Variants in MUC5AC observed in about 807,000 individuals in gnomAD.
The protein encoded by MUC5AC is mucin-5AC.
Under a neutral mutation model 169.7 loss-of-function variants are expected in MUC5AC, and 158 were observed. That is an observed-to-expected ratio of 0.93 (90% CI 0.82 to 1.06). MUC5AC has a LOEUF of 1.06. Ranked by LOEUF, MUC5AC falls within the 50% of genes least tolerant of loss-of-function variation. MUC5AC has a pLI of 0.00. For missense variants in MUC5AC, 4,359 were observed against 3,089.9 expected (o/e 1.41, Z -9.74); for synonymous variants, 1,975 against 1,237.0 (o/e 1.60, Z -12.52).
rs181876535 is a variant in MUC5AC at position 1,197,309 on chromosome 11, C to T, written c.15862-159C>T. 3.6e-3 allele frequency among the ~76,000 whole-genome samples: 546 copies of T among 152,324 alleles called. 2 individuals are homozygous for T. The highest frequency in any genetic ancestry group is 0.013 in the African/African-American group (522 of 41,568). Reference sequence around the variant, plus strand: ...GCAGAGCTTTGTGCCCATCCCTGGGCCCTACCCTGCACTTTTGAAGCCCTA... The same window carrying T: ...GCAGAGCTTTGTGCCCATCCCTGGGTCCTACCCTGCACTTTTGAAGCCCTA... On this transcript the variant is annotated intron_variant, in intron 40 of 48. Coordinates refer to ENST00000621226, the MANE Select transcript of MUC5AC (RefSeq NM_001304359.2).
At chr11:1,173,842 A>C (rs1860613305) in intron 16 of MUC5AC, among the ~76,000 whole-genome samples, 1 of 130,124 alleles carries the variant, frequency 7.7e-6, no homozygotes, top group Non-Finnish European at 1.7e-5. Flanking sequence ...TTACTGACTC[A>C]CTAATTCCTT....
intron 26 of MUC5AC, among the ~76,000 whole-genome samples, chr11:1,179,450 A>G: frequency 6.6e-6 from 1 of 150,990 alleles, no homozygotes; most frequent in South Asian, 2.1e-4. Context: ...GGGTCAGCAG[A>G]GCTGCCCAGC....
In MUC5AC at chr11:1,199,084, C is replaced by T. The variant is rs773023431; in HGVS notation, c.16297-3C>T. 1 of 764,270 alleles carries T rather than the reference C, an allele frequency of 1.3e-6. No individual in the cohort carries two copies. Among genetic ancestry groups the T allele is most frequent in the Non-Finnish European group, 2.4e-6 (1 of 417,564 alleles). 47.3% of individuals were successfully genotyped at this position (764,270 alleles called of 1,614,324 possible). A position where few individuals can be genotyped will look rare whatever the true frequency, so the allele number is the denominator to read the frequency against. ...TCCAGCCACATGTCCATCCCTCCCG[C>T]AGGGCTTCGAGTACCAGGAGCAGAG... On this transcript the variant is annotated splice_polypyrimidine_tract_variant and splice_region_variant and intron_variant, in intron 44 of 48. Transcript: ENST00000621226.
chr11:1,159,463 G>T lies in MUC5AC; in HGVS notation c.74-1149G>T, dbSNP rs549424972. 1.2e-4 allele frequency among the ~76,000 whole-genome samples: 17 copies of T among 145,746 alleles called. 2 individuals are homozygous for T. In the South Asian group the frequency reaches 3.8e-3, roughly 32 times the overall value. On this transcript the variant is annotated intron_variant, in intron 1 of 48. Coordinates refer to ENST00000621226, the MANE Select transcript of MUC5AC (RefSeq NM_001304359.2). The stretch of plus-strand genomic sequence containing the variant: ...GGGGGTCTGGTCCCCCCATGCTGGG[G>T]TGCTGTGCGGGGCTGTACGAGGCTG...
At position 1,164,512 on chromosome 11, in the gene MUC5AC, C is replaced by A; in HGVS notation, c.1109C>A (p.Ala370Asp). The A allele has an allele frequency of 6.2e-7, 1 of 1,611,196 alleles. No homozygotes were observed. The highest frequency in any genetic ancestry group is 8.5e-7 in the Non-Finnish European group (1 of 1,179,300). Residue 370 changes from alanine (A) to aspartate (D), a missense_variant, in exon 9 of 49, where the codon GCC becomes GAC. By Grantham distance (126) the Ala-to-Asp change is moderately radical. Coordinates refer to ENST00000621226, the MANE Select transcript of MUC5AC (RefSeq NM_001304359.2). Reference protein sequence around the residue: ...HSRACEDHCVAGCFCPEGTVL... With the variant: ...HSRACEDHCVDGCFCPEGTVL... ...CGGGCCTGTGAGGACCACTGTGTGG[C>A]CGGCTGCTTCTGCCCTGAGGGTGAG... is the stretch of plus-strand genomic sequence containing the variant.
At chr11:1,182,043 G>A (rs1337302410) in intron 30 of MUC5AC, 112 bp from the exon 31 acceptor site, 10 of 398,294 alleles carry the variant, frequency 2.5e-5, no homozygotes, top group Non-Finnish European at 4.4e-5. Flanking sequence ...GGTGGGGACA[G>A]GAAGACAGAC....
chr11:1,192,424 T>C lies in MUC5AC; in HGVS notation c.14279T>C (p.Val4760Ala). 1 of 765,136 alleles carries C rather than the reference T, an allele frequency of 1.3e-6. No homozygotes were observed. Among genetic ancestry groups the C allele is most frequent in the Non-Finnish European group, 2.4e-6 (1 of 417,898 alleles). The allele number at this position is 765,136 out of a possible 1,614,324, so 47.4% of individuals were successfully genotyped here. Reference protein sequence around the residue: ...SLSTSMVSASVASTSVASSSV... With the variant: ...SLSTSMVSASAASTSVASSSV... ...TCTACTTCCATGGTATCCGCCTCCG[T>C]GGCATCCACCTCTGTGGCATCCAGC... The change falls in exon 31 of 49, where the codon GTG becomes GCG. Residue 4760 changes from valine (V) to alanine (A), a missense_variant. Transcript: ENST00000621226.
rs1243146037 is a variant in MUC5AC, at chr11:1,165,371, G to C, written c.1199G>C (p.Gly400Ala). 2 of 1,612,468 alleles carry C rather than the reference G, an allele frequency of 1.2e-6. No individual in the cohort carries two copies. The highest frequency in any genetic ancestry group is 1.7e-6 in the Non-Finnish European group (2 of 1,179,726). Reference sequence around the variant, plus strand: ...TCAAAGTGTGCCTGCGTCTACAACGGGGCTGCCTATGCCCCAGGGGCCACC... The same window carrying C: ...TCAAAGTGTGCCTGCGTCTACAACGCGGCTGCCTATGCCCCAGGGGCCACC... ...PVSKCACVYN[G>A]AAYAPGATYS... is the part of the protein sequence containing the mutation. Residue 400 changes from glycine (G) to alanine (A), a missense_variant, in exon 10 of 49, where the codon GGG becomes GCG. Gly to Ala is a moderately conservative substitution (Grantham distance 60, BLOSUM62 0). Transcript: ENST00000621226.
intron 19 of MUC5AC, 91 bp from the exon 20 acceptor site, chr11:1,176,060 C>T (rs949363376): frequency 5.3e-5 from 21 of 398,384 alleles, no homozygotes; most frequent in Middle Eastern, 6.3e-4. Flanking sequence ...TCAATGTGCA[C>T]GCACATGGCA....
At position 1,186,359 on chromosome 11, in the gene MUC5AC, C is replaced by T. The variant is rs1395149993; in HGVS notation, c.8214C>T (p.Thr2738=). ...CCAGCACAACCTCTGCCACTACAACCAGCACGACCTCTGCTCCTACACCCA... is the reference window on the plus strand; with the variant it reads ...CCAGCACAACCTCTGCCACTACAACTAGCACGACCTCTGCTCCTACACCCA... ...PTTSTTSATT[T]STTSAPTPRR... The change falls in exon 31 of 49, where the codon ACC becomes ACT. Residue 2738 remains threonine, a synonymous_variant. Coordinates refer to ENST00000621226, the MANE Select transcript of MUC5AC (RefSeq NM_001304359.2). 1 of 716,238 alleles carries T rather than the reference C, an allele frequency of 1.4e-6. No homozygotes were observed. Among genetic ancestry groups the T allele is most frequent in the Non-Finnish European group, 2.5e-6 (1 of 392,990 alleles). 44.4% of individuals were successfully genotyped at this position (716,238 alleles called of 1,614,324 possible). A position where few individuals can be genotyped will look rare whatever the true frequency, so the allele number is the denominator to read the frequency against.
chr11:1,200,320 C>T (rs1861391614), intron 48 of MUC5AC, 118 bp from the exon 49 acceptor site: 1 of 602,464 alleles, frequency 1.7e-6, no homozygotes, highest in Non-Finnish European at 3.0e-6. Flanking sequence ...CAGACACTGG[C>T]AGCATGCCTC....
In MUC5AC at chr11:1,162,628, C is replaced by A; in HGVS notation, c.570C>A (p.Asn190Lys). 4.3e-6 allele frequency: 7 copies of A among 1,612,720 alleles called. No homozygotes were observed. The highest frequency in any genetic ancestry group is 5.9e-6 in the Non-Finnish European group (7 of 1,179,826). Residue 190 changes from asparagine (N) to lysine (K), a missense_variant, in exon 5 of 49, where the codon AAC becomes AAA. Asn to Lys is a moderately conservative substitution (Grantham distance 94). Coordinates refer to ENST00000621226, the MANE Select transcript of MUC5AC (RefSeq NM_001304359.2). ...GGCTGGGCCTTGTCCTCATGTGGAA[C>A]CACGATGACAGCCTGCTGGTGAGGC... Reference protein sequence around the residue: ...EARLGLVLMWNHDDSLLLELD... With the variant: ...EARLGLVLMWKHDDSLLLELD...
chr11:1,197,970 C>G lies in MUC5AC; in HGVS notation c.16101C>G (p.Tyr5367Ter). 1 of 731,874 alleles carries G rather than the reference C, an allele frequency of 1.4e-6. No individual in the cohort carries two copies. Among genetic ancestry groups the G allele is most frequent in the Non-Finnish European group, 2.5e-6 (1 of 402,262 alleles). 45.3% of individuals were successfully genotyped at this position (731,874 alleles called of 1,614,324 possible). ...AGGGCGCCCGCGCGATCCCGACCTA[C>G]CAGGAGGGGGCCTGCTGCCCAGTCC... The part of the protein sequence containing the change: ...CPEGARAIPT[Y>*]QEGACCPVQN... Residue 5367 changes from tyrosine (Y) to a stop codon, truncating the protein, a stop_gained, in exon 42 of 49, where the codon TAC (tyrosine) becomes TAG (stop). Coordinates refer to ENST00000621226, the MANE Select transcript of MUC5AC (RefSeq NM_001304359.2). LOFTEE classifies it high-confidence loss of function.
intron 6 of MUC5AC, 141 bp downstream of exon 6, chr11:1,163,186 ACAC>A: frequency 1.3e-6 from 1 of 772,536 alleles, no homozygotes; most frequent in South Asian, 1.6e-5. Flanking sequence ...AGCACAGCAC[ACAC>A]GTGCACACAC....
chr11:1,164,348 C>A, intron 8 of MUC5AC, 29 bp downstream of exon 8: 1 of 1,611,948 alleles, frequency 6.2e-7, no homozygotes, highest in Non-Finnish European at 8.5e-7. Flanking sequence ...TGTCCCCCAA[C>A]CCCTTTGGCA....
At chr11:1,163,153 C>T (rs1285123378) in intron 6 of MUC5AC, 108 bp downstream of exon 6, 29 of 1,026,344 alleles carry the variant, frequency 2.8e-5, no homozygotes, top group African/African-American at 1.7e-4. Context: ...CACAGATACA[C>T]GGATGCAGCT....
chr11:1,158,649 C>T (rs1428044272), intron 1 of MUC5AC, among the ~76,000 whole-genome samples: 3 of 152,214 alleles, frequency 2.0e-5, no homozygotes, highest in Non-Finnish European at 2.9e-5. Flanking sequence ...CTGGACTGCC[C>T]CTTGCTGGGC....
In MUC5AC at chr11:1,192,529, C is replaced by T. The variant is rs960517510; in HGVS notation, c.14380+4C>T. The T allele has an allele frequency of 4.5e-5, 34 of 763,556 alleles. No homozygotes were observed. The highest frequency in any genetic ancestry group is 3.4e-4 in the Admixed American group (20 of 58,974). 47.3% of individuals were successfully genotyped at this position (763,556 alleles called of 1,614,324 possible). A position where few individuals can be genotyped will look rare whatever the true frequency, so the allele number is the denominator to read the frequency against. ...GCTGACCGGCTCTACCCTGCAGGTT[C>T]GTGAGTGTTTCTGGTGCAATTGTTT... On this transcript the variant is annotated splice_donor_region_variant and intron_variant, in intron 31 of 48. Transcript: ENST00000621226.
chr11:1,180,209 C>T (rs1158712686), intron 27 of MUC5AC, 59 bp downstream of exon 27: 1 of 398,292 alleles, frequency 2.5e-6, no homozygotes, highest in African/African-American at 2.1e-5. Context: ...CTTCTCCTGG[C>T]CCCTCGAGGA....
Sources: allele counts gnomAD v4.1 joint callset (sites outside exome capture counted in the v4.1 genomes callset), GRCh38; gene constraint gnomAD v4.1.1; transcripts MANE v1.5; gene names NCBI Gene and HGNC (gene_info 2026-07-23, HGNC 2026-07-21).